The following PABPC1 variants were observed in gnomAD, a reference collection of about 807,000 sequenced individuals.
PABPC1 encodes poly(A) binding protein cytoplasmic 1.
In PABPC1, 4 loss-of-function variants were observed where a neutral mutation model predicts 74.0. The observed-to-expected ratio is 0.05, with a 90% CI of 0.03 to 0.12. The LOEUF (loss-of-function observed/expected upper bound fraction) is 0.12. Among genes scored for constraint, PABPC1 ranks in the 10% least tolerant of loss-of-function variants. The pLI, the probability that PABPC1 is intolerant of heterozygous loss-of-function variation, is 1.00. For missense variants in PABPC1, 271 were observed against 821.1 expected (o/e 0.33, Z 8.19); for synonymous variants, 227 against 264.1 (o/e 0.86, Z 1.36).
intron 13 of PABPC1, 65 bp from the exon 14 acceptor site, chr8:100,704,455 G>A: frequency 7.9e-7 from 1 of 1,262,524 alleles, no homozygotes; most frequent in Non-Finnish European, 1.2e-6. Flanking sequence ...TTTCATAATG[G>A]TAACATACCA....
intron 3 of PABPC1, among the ~76,000 whole-genome samples, chr8:100,717,526 A>C (rs1300385370): frequency 6.6e-6 from 1 of 152,212 alleles, no homozygotes; most frequent in African/African-American, 2.4e-5. Context: ...TGTTAATTAT[A>C]TTAAACCTGT....
At chr8:100,703,644 A>T (rs1810302378) in intron 14 of PABPC1, among the ~76,000 whole-genome samples, 1 of 152,110 alleles carries the variant, frequency 6.6e-6, no homozygotes, top group Non-Finnish European at 1.5e-5. Flanking sequence ...TGCACTACTC[A>T]ATTTCTTGGG....
At chr8:100,711,944 G>A (rs190533270) in intron 7 of PABPC1, among the ~76,000 whole-genome samples, 2 of 152,326 alleles carry the variant, frequency 1.3e-5, no homozygotes, top group Admixed American at 1.3e-4. Flanking sequence ...CTACTGCTTT[G>A]TTTCTTAATC....
chr8:100,709,535 C>A lies in PABPC1; in HGVS notation c.1169G>T (p.Arg390Leu). The A allele has an allele frequency of 6.2e-7, 1 of 1,614,202 alleles. No individual in the cohort carries two copies. Residue 390 changes from arginine to leucine, a missense_variant, in exon 8 of 15, where the codon CGA becomes CTA. By Grantham distance (102) the Arg-to-Leu change is moderately radical (BLOSUM62 -2). This residue lies in a region of PABPC1 where 103 missense variants were observed against 245.3 expected (regional missense o/e 0.42). Coordinates refer to ENST00000318607, the MANE Select transcript of PABPC1 (RefSeq NM_002568.4). The part of the protein sequence containing the change: ...NQYMQRMASV[R>L]AVPNPVINPY... ...GTTGATTACAGGGTTGGGAACAGCT[C>A]GTACACTTGCCATTCTCTGCATATA... is the stretch of plus-strand genomic sequence containing the variant.
chr8:100,713,180 C>T lies in PABPC1; in HGVS notation c.645G>A (p.Gly215=), dbSNP rs199565920. Residue 215 remains glycine (G), a splice_region_variant and synonymous_variant, in exon 5 of 15, where the codon GGG becomes GGA. Transcript: ENST00000318607. ...ERLKDLFGKF[G]PALSVKVMTD... ...TCATTACTTTCACACTTAAGGCAGG[C>T]CCTAAAAAATTTTTTTACATAAATC... 33 of 1,504,846 alleles carry T rather than the reference C, an allele frequency of 2.2e-5. No homozygotes were observed. The highest frequency in any genetic ancestry group is 3.0e-5 in the Non-Finnish European group (33 of 1,112,264). The allele number at this position is 1,504,846 out of a possible 1,614,324, so 93.2% of individuals were successfully genotyped here.
At position 100,721,807 on chromosome 8, in the gene PABPC1, T is replaced by C; in HGVS notation, c.-224A>G. On this transcript the variant is annotated 5_prime_UTR_variant, in exon 1 of 15. Transcript: ENST00000318607. The surrounding 1 kb of genome is among the most constrained non-coding windows in gnomAD (Gnocchi z 7.4). ...GGGGAGCGAGGGTGGCGGTGTCGGG[T>C]CCGGGCAGCGGGAAGGCCTCGGTCT... The C allele has an allele frequency of 2.4e-6, 1 of 412,280 alleles. No homozygotes were observed. The highest frequency in any genetic ancestry group is 4.3e-6 in the Non-Finnish European group (1 of 230,952). The allele number at this position is 412,280 out of a possible 1,614,324, so 25.5% of individuals were successfully genotyped here. A position where few individuals can be genotyped will look rare whatever the true frequency, so the allele number is the denominator to read the frequency against.
At chr8:100,704,012 G>A (rs111253254) in intron 14 of PABPC1, 7,736 of 283,458 alleles carry the variant, frequency 0.027, 638 homozygotes, top group African/African-American at 0.18. Context: ...CCGAGATCGC[G>A]TCAATGCACT....
intron 9 of PABPC1, 132 bp downstream of exon 9, chr8:100,709,001 A>G: frequency 6.6e-6 from 5 of 759,032 alleles, no homozygotes; most frequent in Non-Finnish European, 1.1e-5. Context: ...AAATGCTATA[A>G]AAATGAACAT....
At position 100,718,432 on chromosome 8, in the gene PABPC1, G is replaced by A. The variant is rs182552913; in HGVS notation, c.194-152C>T. ...GCTTCAAGATGGCTAGACCTTTCAAGTATCACACACTAGTGTGGGACCTAA... is the reference window on the plus strand; with the variant it reads ...GCTTCAAGATGGCTAGACCTTTCAAATATCACACACTAGTGTGGGACCTAA... On this transcript the variant is annotated intron_variant, in intron 1 of 14. Coordinates refer to ENST00000318607, the MANE Select transcript of PABPC1 (RefSeq NM_002568.4). 1,058 of 619,150 alleles carry A rather than the reference G, an allele frequency of 1.7e-3. 7 individuals carry two copies. The highest frequency in any genetic ancestry group is 4.9e-4 in the Non-Finnish European group (179 of 363,390). 38.4% of individuals were successfully genotyped at this position (619,150 alleles called of 1,614,324 possible).
chr8:100,714,876 C>T (rs996932830), intron 4 of PABPC1, among the ~76,000 whole-genome samples: 2 of 152,136 alleles, frequency 1.3e-5, no homozygotes, highest in Non-Finnish European at 2.9e-5. Flanking sequence ...TATACCCCTA[C>T]CTAAACTAAG....
In PABPC1 at chr8:100,721,906, TATAAAAGAGGAAGAAAAAAA is replaced by T. The variant is rs1810844529; in HGVS notation, c.-343_-324del. ...TCTCGGCTGCTTCACCGGGTTATTTTATAAAAGAGGAAGAAAAAAAATAAAAGTCTCCGGCGGGGGAGACG... is the reference window on the plus strand; with the variant it reads ...TCTCGGCTGCTTCACCGGGTTATTTTATAAAAGTCTCCGGCGGGGGAGACG... On this transcript the variant is annotated 5_prime_UTR_variant, in exon 1 of 15. Transcript: ENST00000318607. This position sits in a 1 kb window ranked among gnomAD's most constrained non-coding sequence, Gnocchi z 7.4. 1 of 275,318 alleles carries T rather than the reference TATAAAAGAGGAAGAAAAAAA, an allele frequency of 3.6e-6. No homozygotes were observed. The highest frequency in any genetic ancestry group is 5.3e-5 in the Admixed American group (1 of 18,918). 17.1% of individuals were successfully genotyped at this position (275,318 alleles called of 1,614,324 possible).
At chr8:100,704,107 C>A in intron 14 of PABPC1, 190 bp downstream of exon 14, 5 of 419,330 alleles carry the variant, frequency 1.2e-5, no homozygotes, top group South Asian at 3.1e-5. Context: ...TTTTAAAAAT[C>A]CAACAGTTAA....
intron 4 of PABPC1, among the ~76,000 whole-genome samples, chr8:100,715,160 T>TACAC (rs1021527115): frequency 1.1e-5 from 1 of 90,730 alleles, no homozygotes; most frequent in African/African-American, 3.3e-5. Flanking sequence ...CACACACACA[T>TACAC]ATATATCTCC....
intron 11 of PABPC1, among the ~76,000 whole-genome samples, chr8:100,706,122 T>C (rs924471809): frequency 3.9e-5 from 6 of 152,058 alleles, no homozygotes; most frequent in Non-Finnish European, 8.8e-5. Context: ...TGGGATTACA[T>C]AGAGGTGTGA....
chr8:100,717,559 T>C (rs1347637672), intron 3 of PABPC1, among the ~76,000 whole-genome samples: 4 of 152,246 alleles, frequency 2.6e-5, no homozygotes, highest in Non-Finnish European at 5.9e-5. Context: ...ACACTTACTG[T>C]GTAGAAAATT....
chr8:100,704,881 G>T (rs747344852), intron 13 of PABPC1, 45 bp downstream of exon 13: 3 of 1,603,474 alleles, frequency 1.9e-6, no homozygotes, highest in African/African-American at 2.7e-5. Context: ...AAAAAGCCAC[G>T]TAATAACTGT....
chr8:100,716,897 A>G (rs570609766), intron 3 of PABPC1, among the ~76,000 whole-genome samples: 4 of 152,368 alleles, frequency 2.6e-5, no homozygotes, highest in Non-Finnish European at 5.9e-5. Context: ...CAAATTTCCA[A>G]AAGAGTTATA....
chr8:100,707,518 CAG>C (rs922890975), intron 9 of PABPC1, among the ~76,000 whole-genome samples: 1 of 152,134 alleles, frequency 6.6e-6, no homozygotes, highest in Non-Finnish European at 1.5e-5. Flanking sequence ...GGAGAGGAGA[CAG>C]AGAGAAAGAC....
chr8:100,712,888 TA>T lies in PABPC1; in HGVS notation c.739-100del, dbSNP rs146583189. 13,874 of 1,389,806 alleles carry T rather than the reference TA, an allele frequency of 1.0e-2. 1,038 individuals are homozygous for T. The African/African-American group carries it at 0.17, about 17-fold the overall frequency. 86.1% of individuals were successfully genotyped at this position (1,389,806 alleles called of 1,614,324 possible). A position where few individuals can be genotyped will look rare whatever the true frequency, so the allele number is the denominator to read the frequency against. ...GACAAATTTGTTAAGTCACAAAAGCTAAAGACAAACCCATCCCAAAATCTCA... is the reference window on the plus strand; with the variant it reads ...GACAAATTTGTTAAGTCACAAAAGCTAAGACAAACCCATCCCAAAATCTCA... On this transcript the variant is annotated intron_variant, in intron 5 of 14. Transcript: ENST00000318607.
Sources: gnomAD v4.1 joint callset for allele counts (sites outside exome capture counted in the v4.1 genomes callset) on GRCh38, gnomAD v4.1.1 for gene constraint, gnomAD v4.1.1 regional missense constraint, Gnocchi (gnomAD v3.1) non-coding constraint, MANE v1.5 for transcripts, NCBI Gene and HGNC (gene_info 2026-07-23, HGNC 2026-07-21) for gene names.